Variants in ZNF106 observed in about 807,000 individuals in gnomAD.
ZNF106 encodes the protein zinc finger protein 106.
In ZNF106, 67 loss-of-function variants were observed where a neutral mutation model predicts 195.1. The observed-to-expected ratio is 0.34, with a 90% CI of 0.28 to 0.42. ZNF106 has a LOEUF of 0.42. ZNF106 is among the 10% of genes least tolerant of loss of function. ZNF106 has a pLI of 1.00. For missense variants in ZNF106, 2,118 were observed against 2,304.5 expected, an observed-to-expected ratio of 0.92 and a Z score of 1.66; for synonymous variants, 784 against 818.6, an observed-to-expected ratio of 0.96 and a Z score of 0.72.
chr15:42,438,818 A>C, intron 11 of ZNF106, 151 bp from the exon 12 acceptor site: 1 of 880,314 alleles, frequency 1.1e-6, no homozygotes, highest in Non-Finnish European at 1.7e-6. Flanking sequence ...TTTCTTAATG[A>C]AGGGAAATAA....
chr15:42,472,959 T>C (rs1030377246), intron 1 of ZNF106, among the ~76,000 whole-genome samples: 2 of 150,762 alleles, frequency 1.3e-5, no homozygotes, highest in Non-Finnish European at 2.9e-5. Context: ...TGAGCTGAGA[T>C]TGCACCACGG....
intron 1 of ZNF106, among the ~76,000 whole-genome samples, chr15:42,482,821 G>A (rs752502380): frequency 5.9e-5 from 9 of 151,986 alleles, no homozygotes; most frequent in African/African-American, 1.7e-4. Context: ...GAGCCACCGC[G>A]CCCGGCAAAA....
In ZNF106 at chr15:42,450,932, G is replaced by A; in HGVS notation, c.1340C>T (p.Ala447Val). The change falls in exon 5 of 22, where the codon GCT becomes GTT. Residue 447 changes from alanine (A) to valine (V), a missense_variant. Ala to Val is a moderately conservative substitution (Grantham distance 64). Coordinates refer to ENST00000564754, the MANE Select transcript of ZNF106 (RefSeq NM_001366845.3). The part of the protein sequence containing the change: ...LNHKASSDSA[A>V]SFEVVRQCPT... The stretch of plus-strand genomic sequence containing the variant: ...GCACTGTCTCACCACCTCGAAGGAA[G>A]CAGCGGAATCAGAAGAGGCCTTGTG... 6.2e-7 allele frequency: 1 copy of A among 1,614,178 alleles called. No homozygotes were observed. The highest frequency in any genetic ancestry group is 1.1e-5 in the South Asian group (1 of 91,084).
intron 4 of ZNF106, among the ~76,000 whole-genome samples, chr15:42,452,384 G>A (rs1027731567): frequency 5.9e-5 from 9 of 151,946 alleles, no homozygotes; most frequent in African/African-American, 1.9e-4. Flanking sequence ...TTAGCCAGGC[G>A]TAGTGGAGCA....
At chr15:42,425,145 C>T in intron 15 of ZNF106, 120 bp from the exon 16 acceptor site, 1 of 943,116 alleles carries the variant, frequency 1.1e-6, no homozygotes, top group Non-Finnish European at 1.6e-6. Flanking sequence ...CATACCCACT[C>T]TGCAGCCTTA....
Position 42,489,672 on chromosome 15 carries a change from G to C in ZNF106, c.-33+1308C>G, listed in dbSNP as rs78743564. Among the ~76,000 whole-genome samples, 1,405 of 152,252 alleles carry C rather than the reference G, an allele frequency of 9.2e-3. 17 individuals carry two copies. The highest frequency in any genetic ancestry group is 0.032 in the African/African-American group (1,347 of 41,534). ...TTCATTCACGACCAAACTTGAGAAC[G>C]GGGCTTAAAGCAAATTTTAAGATTT... On this transcript the variant is annotated intron_variant, in intron 1 of 21. Transcript: ENST00000564754.
rs138203640 is a variant in ZNF106 at position 42,415,847 on chromosome 15, C to G, written c.*1457G>C. 0.038 allele frequency: 5,885 copies of G among 154,948 alleles called. 382 individuals carry two copies. Among genetic ancestry groups the G allele is most frequent in the African/African-American group, 0.14 (5,609 of 41,412 alleles). The allele number at this position is 154,948 out of a possible 1,614,324, so 9.6% of individuals were successfully genotyped here. On this transcript the variant is annotated 3_prime_UTR_variant, in exon 22 of 22. Transcript: ENST00000564754. ...CTGCCTCCCGGGTTCAAGCGATTCT[C>G]CTGCCTCAGCCTCCTGAGCAGCTGG...
At chr15:42,438,709 C>T in intron 11 of ZNF106, 42 bp from the exon 12 acceptor site, 2 of 1,585,704 alleles carry the variant, frequency 1.3e-6, no homozygotes, top group Non-Finnish European at 1.7e-6. Context: ...TCTGTGTGAA[C>T]AGGGCAGGTA....
chr15:42,479,126 T>C (rs977358245), intron 1 of ZNF106, among the ~76,000 whole-genome samples: 2 of 152,088 alleles, frequency 1.3e-5, no homozygotes, highest in Non-Finnish European at 2.9e-5. Context: ...ATAATCCCAG[T>C]ACTTTGGGAG....
chr15:42,489,265 C>A, intron 1 of ZNF106, among the ~76,000 whole-genome samples: 1 of 151,392 alleles, frequency 6.6e-6, no homozygotes. Context: ...GCAACCTCCG[C>A]CTCCCAGGTT....
chr15:42,468,675 G>A (rs1375991620), intron 2 of ZNF106, among the ~76,000 whole-genome samples: 5 of 151,650 alleles, frequency 3.3e-5, no homozygotes, highest in Non-Finnish European at 5.9e-5. Context: ...CCCAGGAGGC[G>A]GAGGTTGCAG....
At chr15:42,449,500 C>T (rs1211235758) in intron 5 of ZNF106, among the ~76,000 whole-genome samples, 2 of 152,136 alleles carry the variant, frequency 1.3e-5, no homozygotes, top group Non-Finnish European at 2.9e-5. Flanking sequence ...ACGGATTTTA[C>T]CCCTGTAAAG....
rs377219331 is a variant in ZNF106, at chr15:42,422,608, C to T, written c.5266G>A (p.Val1756Met). ...HAHNIHTGEL[V>M]RIYKGHNHAV... ...TGATTGTGACCTTTATAGATCCGCA[C>T]GAGCTCACCAGTCTATGTCAGAAGA... The change falls in exon 18 of 22, where the codon GTG becomes ATG. Residue 1756 changes from valine (V) to methionine (M), a missense_variant. Coordinates refer to ENST00000564754, the MANE Select transcript of ZNF106 (RefSeq NM_001366845.3). 18 of 1,611,276 alleles carry T rather than the reference C, an allele frequency of 1.1e-5. No homozygotes were observed. The highest frequency in any genetic ancestry group is 1.6e-4 in the Middle Eastern group (1 of 6,076).
At chr15:42,489,778 G>A (rs1191713155) in intron 1 of ZNF106, among the ~76,000 whole-genome samples, 2 of 151,304 alleles carry the variant, frequency 1.3e-5, no homozygotes, top group Non-Finnish European at 2.9e-5. Context: ...GCTCAAGCCT[G>A]TAATCCCAGC....
intron 19 of ZNF106, 116 bp downstream of exon 19, chr15:42,421,801 T>C (rs552471124): frequency 1.1e-5 from 8 of 725,332 alleles, no homozygotes; most frequent in African/African-American, 8.8e-5. Context: ...TGCCAAGAGA[T>C]GGGAAGGTAC....
intron 2 of ZNF106, 110 bp from the exon 3 acceptor site, chr15:42,466,224 ATG>A (rs2141405589): frequency 1.4e-6 from 1 of 698,156 alleles, no homozygotes; most frequent in Admixed American, 3.7e-5. Context: ...TTATGTCAAA[ATG>A]TGTTTTTGGT....
intron 1 of ZNF106, among the ~76,000 whole-genome samples, chr15:42,489,157 C>T (rs913783674): frequency 4.0e-5 from 6 of 150,588 alleles, no homozygotes; most frequent in Non-Finnish European, 8.9e-5. Context: ...CGTTCACACC[C>T]TCTACCTCCT....
rs1280788009 is a variant in ZNF106, at chr15:42,472,300, T to C, written c.-11A>G. On this transcript the variant is annotated 5_prime_UTR_variant, in exon 2 of 22. Coordinates refer to ENST00000564754, the MANE Select transcript of ZNF106 (RefSeq NM_001366845.3). Reference sequence around the variant, plus strand: ...TCGTTCTCGTACCATAGTGACCAGATCTGAAGCACTCAACGTCACAGCTGC... The same window carrying C: ...TCGTTCTCGTACCATAGTGACCAGACCTGAAGCACTCAACGTCACAGCTGC... The C allele has an allele frequency of 3.3e-6, 5 of 1,535,296 alleles. No homozygotes were observed. Among genetic ancestry groups the C allele is most frequent in the East Asian group, 2.4e-5 (1 of 40,906 alleles).
At chr15:42,475,306 G>T (rs578201818) in intron 1 of ZNF106, among the ~76,000 whole-genome samples, 1 of 152,074 alleles carries the variant, frequency 6.6e-6, no homozygotes, top group African/African-American at 2.4e-5. Context: ...GCTGGGTATG[G>T]TGGCACGTGC....
Sources: gnomAD v4.1 joint callset for allele counts (sites outside exome capture counted in the v4.1 genomes callset) on GRCh38, gnomAD v4.1.1 for gene constraint, MANE v1.5 for transcripts, NCBI Gene and HGNC (gene_info 2026-07-23, HGNC 2026-07-21) for gene names.